The following DIAPH2 variants were observed in gnomAD, a reference collection of about 807,000 sequenced individuals.
DIAPH2 encodes the protein protein diaphanous homolog 2.
DIAPH2 carries 35 observed loss-of-function variants against 92.7 expected under a neutral mutation model. That is an observed-to-expected ratio of 0.38 (90% CI 0.29 to 0.50). The LOEUF (loss-of-function observed/expected upper bound fraction) is 0.50, where lower values mean the gene tolerates loss of function less well. Ranked by LOEUF, DIAPH2 falls within the 20% of genes least tolerant of loss-of-function variation. The probability of loss-of-function intolerance (pLI) is 0.94; values close to 1 mark genes in which losing one functional copy is unlikely to be tolerated. For synonymous variants in DIAPH2, 301 were observed against 280.4 expected, an observed-to-expected ratio of 1.07 and a Z score of -0.73; for missense variants, 701 against 819.5, an observed-to-expected ratio of 0.86 and a Z score of 1.77.
chrX:97,393,104 A>G (rs2024341186), intron 25 of DIAPH2, among the ~76,000 whole-genome samples: 1 of 111,211 alleles, frequency 9.0e-6, no homozygotes, highest in South Asian at 3.8e-4. Context: ...CAGAAGCACA[A>G]GAAAGGAGAG....
chrX:96,939,433 A>G, intron 12 of DIAPH2, 51 bp downstream of exon 12: 1 of 500,868 alleles, frequency 2.0e-6, no homozygotes, highest in Non-Finnish European at 3.3e-6. Context: ...TCGGATATTA[A>G]AGGAAAATGA....
At chrX:97,272,092 G>A (rs776695384) in intron 23 of DIAPH2, among the ~76,000 whole-genome samples, 10 of 110,199 alleles carry the variant, frequency 9.1e-5, no homozygotes, top group African/African-American at 2.0e-4. Flanking sequence ...TCCACCTCCC[G>A]GGTTCAAGCG....
chrX:96,743,891 G>T (rs1333041257), intron 3 of DIAPH2, among the ~76,000 whole-genome samples: 1 of 111,999 alleles, frequency 8.9e-6, no homozygotes, highest in Non-Finnish European at 1.9e-5. Flanking sequence ...TAATTAGCTA[G>T]ATTTAGTCAT....
chrX:97,591,817 G>T (rs939238688), intron 26 of DIAPH2, among the ~76,000 whole-genome samples: 1 of 111,677 alleles, frequency 9.0e-6, no homozygotes, highest in African/African-American at 3.2e-5. Flanking sequence ...TCTGTCTTAC[G>T]ACCCAATTGC....
intron 23 of DIAPH2, among the ~76,000 whole-genome samples, chrX:97,321,752 T>C (rs1185632633): frequency 1.8e-5 from 2 of 109,691 alleles, no homozygotes; most frequent in African/African-American, 6.6e-5. Flanking sequence ...GGTTTCACCA[T>C]GTTAGCCAGG....
intron 22 of DIAPH2, among the ~76,000 whole-genome samples, chrX:97,231,357 G>A (rs747863257): frequency 1.2e-4 from 13 of 108,091 alleles, no homozygotes; most frequent in Non-Finnish European, 2.5e-4. Flanking sequence ...TTGGGGAATA[G>A]TTCAGTCATC....
intron 26 of DIAPH2, among the ~76,000 whole-genome samples, chrX:97,595,921 C>A (rs931513345): frequency 8.9e-6 from 1 of 112,028 alleles, no homozygotes; most frequent in Non-Finnish European, 1.9e-5. Flanking sequence ...CGTGAGCCAC[C>A]GCGCCTGACC....
intron 11 of DIAPH2, among the ~76,000 whole-genome samples, chrX:96,938,546 G>A: frequency 9.0e-6 from 1 of 111,473 alleles, no homozygotes; most frequent in Non-Finnish European, 1.9e-5. Flanking sequence ...CTACTTTGGA[G>A]AAAATGTTGA....
chrX:96,722,950 T>A (rs1354064309), intron 1 of DIAPH2, among the ~76,000 whole-genome samples: 1 of 112,069 alleles, frequency 8.9e-6, no homozygotes, highest in South Asian at 3.7e-4. Flanking sequence ...TCATATTCAG[T>A]TATGTTTGTA....
rs181479935 is a variant in DIAPH2 at position 96,886,393 on chromosome X, A to C, written c.587+4675A>C. Among the ~76,000 whole-genome samples, 1,042 of 110,768 alleles carry C rather than the reference A, an allele frequency of 9.4e-3. 16 individuals are homozygous for C. Among genetic ancestry groups the C allele is most frequent in the African/African-American group, 0.033 (995 of 30,568 alleles). ...AATTGAATCATGAAAACTGCAACAA[A>C]AAAAAAATCTCTTAAATGGAACATT... is the stretch of plus-strand genomic sequence containing the variant. On this transcript the variant is annotated intron_variant, in intron 5 of 26. Coordinates refer to ENST00000324765, the MANE Select transcript of DIAPH2 (RefSeq NM_006729.5).
At chrX:96,854,598 C>CATATATATATATATATAT (rs57209486) in intron 4 of DIAPH2, among the ~76,000 whole-genome samples, 2 of 37,120 alleles carry the variant, frequency 5.4e-5, no homozygotes, top group Non-Finnish European at 1.0e-4. Flanking sequence ...CTCTCTCTCT[C>CATATATATATATATATAT]ATATATATAT....
chrX:96,837,550 A>G (rs2064907436), intron 4 of DIAPH2, among the ~76,000 whole-genome samples: 1 of 108,843 alleles, frequency 9.2e-6, no homozygotes, highest in African/African-American at 3.4e-5. Context: ...AAAAAAAGCA[A>G]CTCTTTGAGC....
At position 97,603,913 on chromosome X, in the gene DIAPH2, T is replaced by G. The variant is rs2071607935; in HGVS notation, c.*4596T>G. On this transcript the variant is annotated 3_prime_UTR_variant, in exon 27 of 27. Transcript: ENST00000324765. ...TACCCATTATCCAATTCCAAAGCCT[T>G]TTTCACATTTTAAGACATTTGTTAC... is the stretch of plus-strand genomic sequence containing the variant. 8.9e-6 allele frequency: 1 copy of G among 112,266 alleles called. No individual in the cohort carries two copies. The highest frequency in any genetic ancestry group is 1.9e-5 in the Non-Finnish European group (1 of 53,267). 9.3% of individuals were successfully genotyped at this position (112,266 alleles called of 1,213,427 possible).
At chrX:96,879,077 T>C (rs1318678198) in intron 4 of DIAPH2, among the ~76,000 whole-genome samples, 3 of 112,244 alleles carry the variant, frequency 2.7e-5, no homozygotes, top group Non-Finnish European at 3.8e-5. Flanking sequence ...TCTGAGGATA[T>C]AGTGGTGAAC....
At chrX:96,790,210 C>G (rs1160342442) in intron 4 of DIAPH2, among the ~76,000 whole-genome samples, 1 of 109,865 alleles carries the variant, frequency 9.1e-6, no homozygotes, top group African/African-American at 3.3e-5. Flanking sequence ...GCTGGGATTA[C>G]AGGCATGTGC....
At position 97,602,562 on chromosome X, in the gene DIAPH2, T is replaced by A. The variant is rs1170321685; in HGVS notation, c.*3245T>A. 10 of 111,985 alleles carry A rather than the reference T, an allele frequency of 8.9e-5. No homozygotes were observed. Among genetic ancestry groups the A allele is most frequent in the Non-Finnish European group, 1.5e-4 (8 of 53,156 alleles). The allele number at this position is 111,985 out of a possible 1,213,427, so 9.2% of individuals were successfully genotyped here. A position where few individuals can be genotyped will look rare whatever the true frequency, so the allele number is the denominator to read the frequency against. ...ATTTTCAAAATCTAGCCAGGCAAAT[T>A]TCTGTTATATTTCAAGGCCTGGCAG... On this transcript the variant is annotated 3_prime_UTR_variant, in exon 27 of 27. Coordinates refer to ENST00000324765, the MANE Select transcript of DIAPH2 (RefSeq NM_006729.5).
chrX:97,538,048 C>A (rs2071110949), intron 26 of DIAPH2, among the ~76,000 whole-genome samples: 1 of 109,471 alleles, frequency 9.1e-6, no homozygotes, highest in Admixed American at 9.8e-5. Context: ...CCGCACCCAG[C>A]TAATTTTTTG....
intron 23 of DIAPH2, among the ~76,000 whole-genome samples, chrX:97,248,163 TTAAAG>T (rs1310203767): frequency 1.8e-5 from 2 of 111,652 alleles, no homozygotes; most frequent in African/African-American, 3.2e-5. Flanking sequence ...AACCAAATGT[TTAAAG>T]TAAATTATCA....
At chrX:96,747,977 A>G (rs1327979080) in intron 3 of DIAPH2, among the ~76,000 whole-genome samples, 1 of 111,920 alleles carries the variant, frequency 8.9e-6, no homozygotes, top group Non-Finnish European at 1.9e-5. Context: ...TTAGACGGAG[A>G]TAATGCCAGA....
Sources: allele counts gnomAD v4.1 joint callset (sites outside exome capture counted in the v4.1 genomes callset), GRCh38; gene constraint gnomAD v4.1.1; transcripts MANE v1.5; gene names NCBI Gene and HGNC (gene_info 2026-07-23, HGNC 2026-07-21).